The following MTSS1 variants were observed in gnomAD, a reference collection of about 807,000 sequenced individuals.
The protein encoded by MTSS1 is protein MTSS 1.
MTSS1 carries 18 observed loss-of-function variants against 79.0 expected under a neutral mutation model. The observed-to-expected ratio is 0.23, with a 90% confidence interval of 0.16 to 0.34. The LOEUF (loss-of-function observed/expected upper bound fraction) is 0.34, where lower values mean the gene tolerates loss of function less well. Ranked by LOEUF, MTSS1 falls within the 10% of genes least tolerant of loss-of-function variation. The pLI is 1.00. For missense variants in MTSS1, 815 were observed against 986.2 expected, an observed-to-expected ratio of 0.83 and a Z score of 2.33; for synonymous variants, 341 against 368.6, an observed-to-expected ratio of 0.93 and a Z score of 0.86.
chr8:124,727,730 G>T lies in MTSS1; in HGVS notation c.72+154C>A. On this transcript the variant is annotated intron_variant, in intron 1 of 13. Coordinates refer to ENST00000518547, the MANE Select transcript of MTSS1 (RefSeq NM_014751.6). The surrounding 1 kb of genome is among the most constrained non-coding windows in gnomAD (Gnocchi z 4.7). ...CGCAGAGCCCGGAGCAGCGCCCCGGGTGAGCAGGTGACACTCCGGCCGGGA... is the reference window on the plus strand; with the variant it reads ...CGCAGAGCCCGGAGCAGCGCCCCGGTTGAGCAGGTGACACTCCGGCCGGGA... 1.4e-6 allele frequency: 1 copy of T among 690,144 alleles called. No homozygotes were observed. The highest frequency in any genetic ancestry group is 2.5e-6 in the Non-Finnish European group (1 of 398,130). 42.8% of individuals were successfully genotyped at this position (690,144 alleles called of 1,614,324 possible). A position where few individuals can be genotyped will look rare whatever the true frequency, so the allele number is the denominator to read the frequency against.
At chr8:124,662,161 T>C (rs1204300676) in intron 3 of MTSS1, among the ~76,000 whole-genome samples, 1 of 152,096 alleles carries the variant, frequency 6.6e-6, no homozygotes, top group Non-Finnish European at 1.5e-5. Context: ...GTGAGCTATG[T>C]TCAATTTTTG....
chr8:124,659,328 T>C (rs759758002), intron 3 of MTSS1, among the ~76,000 whole-genome samples: 3 of 152,234 alleles, frequency 2.0e-5, no homozygotes, highest in Non-Finnish European at 4.4e-5. Context: ...TCTGAGAATT[T>C]ATAGTTTATT....
intron 3 of MTSS1, among the ~76,000 whole-genome samples, chr8:124,615,442 A>G (rs1383184843): frequency 1.2e-4 from 19 of 152,240 alleles, no homozygotes. Context: ...CTCTGAGGAC[A>G]TAATGCTAAG....
intron 7 of MTSS1, among the ~76,000 whole-genome samples, chr8:124,567,471 C>T (rs1234896765): frequency 6.6e-6 from 1 of 152,262 alleles, no homozygotes; most frequent in Non-Finnish European, 1.5e-5. Flanking sequence ...GATGGTCTGA[C>T]TGTGTGTTCC....
At chr8:124,663,516 G>T (rs1822485246) in intron 3 of MTSS1, among the ~76,000 whole-genome samples, 4 of 151,578 alleles carry the variant, frequency 2.6e-5, no homozygotes, top group Admixed American at 2.6e-4. Flanking sequence ...CCCAATCCAT[G>T]CTCCCACCAA....
chr8:124,594,466 G>A (rs1230389361), intron 3 of MTSS1, among the ~76,000 whole-genome samples: 1 of 152,162 alleles, frequency 6.6e-6, no homozygotes, highest in Non-Finnish European at 1.5e-5. Context: ...GGAGGTGGAG[G>A]TTACAGTGAG....
At chr8:124,563,907 G>C (rs1232618999) in intron 9 of MTSS1, among the ~76,000 whole-genome samples, 1 of 152,136 alleles carries the variant, frequency 6.6e-6, no homozygotes, top group Admixed American at 6.5e-5. Flanking sequence ...AAAGCGGGTG[G>C]ATCACCTGAA....
intron 1 of MTSS1, among the ~76,000 whole-genome samples, chr8:124,714,514 G>A (rs1831631787): frequency 6.6e-6 from 1 of 152,180 alleles, no homozygotes; most frequent in South Asian, 2.1e-4. Context: ...CCAGGCTGGA[G>A]TGCAGTGGTG....
chr8:124,692,520 C>T (rs1228868039), intron 3 of MTSS1, among the ~76,000 whole-genome samples: 1 of 152,128 alleles, frequency 6.6e-6, no homozygotes, highest in African/African-American at 2.4e-5. Flanking sequence ...AACTCAGGAG[C>T]AAACAAGAGC....
intron 3 of MTSS1, among the ~76,000 whole-genome samples, chr8:124,687,397 G>A (rs925392198): frequency 1.1e-4 from 17 of 152,078 alleles, no homozygotes; most frequent in East Asian, 3.9e-4. Context: ...GGCTTAAATC[G>A]TATTATCCAA....
intron 3 of MTSS1, among the ~76,000 whole-genome samples, chr8:124,680,623 T>G (rs1013716945): frequency 2.0e-5 from 3 of 152,210 alleles, no homozygotes; most frequent in Non-Finnish European, 4.4e-5. Context: ...GCTATACCAA[T>G]AGTATAGTAT....
chr8:124,555,988 A>G (rs968064528), intron 12 of MTSS1, 84 bp from the exon 13 acceptor site: 7 of 1,565,758 alleles, frequency 4.5e-6, no homozygotes, highest in African/African-American at 1.3e-5. Context: ...TGAGCACTAC[A>G]TGTCTGTGGG....
intron 3 of MTSS1, among the ~76,000 whole-genome samples, chr8:124,688,248 CGTGTGTGT>C (rs918955643): frequency 6.7e-6 from 1 of 150,008 alleles, no homozygotes; most frequent in African/African-American, 2.5e-5. Flanking sequence ...GTATGTTGTG[CGTGTGTGT>C]GTGCATGTGT....
chr8:124,609,707 C>A (rs1835456628), intron 3 of MTSS1, among the ~76,000 whole-genome samples: 1 of 152,190 alleles, frequency 6.6e-6, no homozygotes, highest in Non-Finnish European at 1.5e-5. Flanking sequence ...TAGACAGCGA[C>A]CACCTTGGAG....
intron 6 of MTSS1, among the ~76,000 whole-genome samples, chr8:124,581,517 G>A (rs958508572): frequency 6.6e-6 from 1 of 150,970 alleles, no homozygotes; most frequent in Non-Finnish European, 1.5e-5. Context: ...GTGCAGTGGT[G>A]CAATCTTGGC....
chr8:124,607,358 C>T (rs1835052089), intron 3 of MTSS1, among the ~76,000 whole-genome samples: 1 of 152,228 alleles, frequency 6.6e-6, no homozygotes, highest in Non-Finnish European at 1.5e-5. Context: ...GTCATTTAAA[C>T]TAACTCGTAT....
chr8:124,595,085 G>A (rs141390548), intron 3 of MTSS1, among the ~76,000 whole-genome samples: 1 of 152,170 alleles, frequency 6.6e-6, no homozygotes, highest in African/African-American at 2.4e-5. Flanking sequence ...ACCATTTTGA[G>A]AGCAAACCAC....
intron 1 of MTSS1, among the ~76,000 whole-genome samples, chr8:124,721,298 CAAA>C (rs923073317): frequency 7.1e-6 from 1 of 140,088 alleles, no homozygotes; most frequent in Admixed American, 7.2e-5. Context: ...TCCATCATCG[CAAA>C]AAAAAAAATC....
At chr8:124,625,012 C>A (rs1050102882) in intron 3 of MTSS1, among the ~76,000 whole-genome samples, 1 of 152,218 alleles carries the variant, frequency 6.6e-6, no homozygotes, top group African/African-American at 2.4e-5. Flanking sequence ...CCAAATCTGT[C>A]AGGGCCTGGG....
Sources: gnomAD v4.1 joint callset for allele counts (sites outside exome capture counted in the v4.1 genomes callset) on GRCh38, gnomAD v4.1.1 for gene constraint, Gnocchi (gnomAD v3.1) non-coding constraint, MANE v1.5 for transcripts, NCBI Gene and HGNC (gene_info 2026-07-23, HGNC 2026-07-21) for gene names.